Variants in LNPEP observed in about 807,000 individuals in gnomAD.
LNPEP encodes leucyl and cystinyl aminopeptidase, also known as leucyl-cystinyl aminopeptidase.
In LNPEP, 64 loss-of-function variants were observed where a neutral mutation model predicts 120.6. The observed-to-expected ratio is 0.53, with a 90% CI of 0.43 to 0.65. The LOEUF (loss-of-function observed/expected upper bound fraction) is 0.65. Among genes scored for constraint, LNPEP ranks in the 30% least tolerant of loss-of-function variants. LNPEP has a pLI of 0.00. For missense variants in LNPEP, 1,057 were observed against 1,200.0 expected, an observed-to-expected ratio of 0.88 and a Z score of 1.76; for synonymous variants, 435 against 425.4, an observed-to-expected ratio of 1.02 and a Z score of -0.28.
intron 4 of LNPEP, among the ~76,000 whole-genome samples, chr5:96,989,402 A>G (rs1377970224): frequency 2.7e-4 from 8 of 29,108 alleles, no homozygotes; most frequent in African/African-American, 8.4e-4. Context: ...TATATTATAT[A>G]TTATATATAA....
chr5:96,943,045 A>C (rs1182966882), intron 1 of LNPEP: 2 of 230,530 alleles, frequency 8.7e-6, no homozygotes, highest in African/African-American at 2.3e-5. Context: ...CTTCTTATGA[A>C]GGTTCTGAGA....
chr5:96,970,238 C>G (rs1467292770), intron 1 of LNPEP, among the ~76,000 whole-genome samples: 1 of 151,872 alleles, frequency 6.6e-6, no homozygotes, highest in Admixed American at 6.6e-5. Flanking sequence ...TATTTGTTGT[C>G]TACTTGTTCT....
At chr5:96,984,083 C>T (rs1175457670) in intron 2 of LNPEP, among the ~76,000 whole-genome samples, 5 of 152,212 alleles carry the variant, frequency 3.3e-5, no homozygotes, top group African/African-American at 4.8e-5. Flanking sequence ...TGCACATGCA[C>T]TGCTCTCTTG....
intron 1 of LNPEP, chr5:96,942,821 T>C (rs1490101721): frequency 6.6e-6 from 1 of 152,624 alleles, no homozygotes; most frequent in Admixed American, 6.5e-5. Flanking sequence ...CATGTATACA[T>C]ATGTAACAAA....
Position 96,993,913 on chromosome 5 carries a change from C to G in LNPEP, c.1349C>G (p.Ser450Cys), listed in dbSNP as rs996179795. The G allele has an allele frequency of 1.9e-6, 3 of 1,613,886 alleles. No individual in the cohort carries two copies. The South Asian group carries it at 3.3e-5, about 18-fold the overall frequency. Residue 450 changes from serine (S) to cysteine (C), a missense_variant, in exon 6 of 18, where the codon TCT becomes TGT. By Grantham distance (112) the Ser-to-Cys change is moderately radical (BLOSUM62 -1). Transcript: ENST00000231368. ...EETLLYDSNT[S>C]SMADRKLVTK... ...ACACTTCTGTATGACAGTAACACTT[C>G]TTCAATGGCGGATAGAAAGCTGGTG...
rs1444039911 is a variant in LNPEP, at chr5:97,037,113, C to G, written c.*8580C>G. 6.6e-6 allele frequency: 1 copy of G among 152,122 alleles called. No individual in the cohort carries two copies. The highest frequency in any genetic ancestry group is 2.4e-5 in the African/African-American group (1 of 41,426). 9.4% of individuals were successfully genotyped at this position (152,122 alleles called of 1,614,324 possible). A position where few individuals can be genotyped will look rare whatever the true frequency, so the allele number is the denominator to read the frequency against. ...TCAACAAACTCACATTGAGACAAAACTTAGTTTTACAGCTGTCTTGATTAA... is the reference window on the plus strand; with the variant it reads ...TCAACAAACTCACATTGAGACAAAAGTTAGTTTTACAGCTGTCTTGATTAA... On this transcript the variant is annotated 3_prime_UTR_variant, in exon 18 of 18. Transcript: ENST00000231368.
At position 97,031,018 on chromosome 5, in the gene LNPEP, T is replaced by C. The variant is rs1291988177; in HGVS notation, c.*2485T>C. 6.6e-6 allele frequency: 1 copy of C among 152,038 alleles called. No individual in the cohort carries two copies. Among genetic ancestry groups the C allele is most frequent in the Non-Finnish European group, 1.5e-5 (1 of 68,008 alleles). 9.4% of individuals were successfully genotyped at this position (152,038 alleles called of 1,614,324 possible). Reference sequence around the variant, plus strand: ...TCAAAGTTTTATCTTCTCAAAACATTGTCTTAGCCAGTGTATTTCTGAGAA... The same window carrying C: ...TCAAAGTTTTATCTTCTCAAAACATCGTCTTAGCCAGTGTATTTCTGAGAA... On this transcript the variant is annotated 3_prime_UTR_variant, in exon 18 of 18. Transcript: ENST00000231368.
intron 1 of LNPEP, among the ~76,000 whole-genome samples, chr5:96,960,883 T>C (rs894512560): frequency 1.3e-5 from 2 of 152,076 alleles, no homozygotes; most frequent in African/African-American, 4.8e-5. Context: ...AAAATATGTT[T>C]TTTTTTTCCA....
Position 96,993,131 on chromosome 5 carries a change from A to G in LNPEP, c.1248A>G (p.Lys416=). ...NYFEIQYPLK[K]LDLVAIPDFE... The stretch of plus-strand genomic sequence containing the variant: ...TTGAAATTCAGTACCCACTTAAGAA[A>G]TTGGGTAAGAATCAAATAGTGTGTC... Residue 416 remains lysine, a synonymous_variant, in exon 5 of 18, where the codon AAA becomes AAG. Transcript: ENST00000231368. The G allele has an allele frequency of 6.3e-7, 1 of 1,578,110 alleles. No homozygotes were observed. The highest frequency in any genetic ancestry group is 8.6e-7 in the Non-Finnish European group (1 of 1,159,374).
At chr5:97,004,768 C>A (rs1413555038) in intron 9 of LNPEP, among the ~76,000 whole-genome samples, 1 of 152,172 alleles carries the variant, frequency 6.6e-6, no homozygotes, top group Non-Finnish European at 1.5e-5. Context: ...TCTCTGAATT[C>A]TCTTTGAGAA....
At chr5:96,975,104 T>C (rs1271139804) in intron 1 of LNPEP, among the ~76,000 whole-genome samples, 1 of 152,070 alleles carries the variant, frequency 6.6e-6, no homozygotes, top group Admixed American at 6.6e-5. Context: ...GTTTCCCACA[T>C]TTATAGGTGA....
intron 13 of LNPEP, among the ~76,000 whole-genome samples, chr5:97,016,199 G>T (rs1032918949): frequency 1.3e-5 from 2 of 152,058 alleles, no homozygotes; most frequent in African/African-American, 2.4e-5. Flanking sequence ...TCTTCTAATG[G>T]TTAAGATTTT....
At chr5:97,014,149 A>G (rs1791006541) in intron 12 of LNPEP, among the ~76,000 whole-genome samples, 1 of 152,196 alleles carries the variant, frequency 6.6e-6, no homozygotes, top group Non-Finnish European at 1.5e-5. Flanking sequence ...ATTTTCAAAC[A>G]GCAGTTGGTT....
chr5:96,985,260 CTCTT>C (rs149177841), intron 3 of LNPEP, 42 bp downstream of exon 3: 6 of 1,544,326 alleles, frequency 3.9e-6, no homozygotes, highest in Admixed American at 1.9e-5. Context: ...TTGAATGGGT[CTCTT>C]TCTTTAAGAA....
At chr5:96,955,047 GC>G (rs1272928932) in intron 1 of LNPEP, among the ~76,000 whole-genome samples, 1 of 150,300 alleles carries the variant, frequency 6.7e-6, no homozygotes, top group Non-Finnish European at 1.5e-5. Context: ...CTCCCAAAGT[GC>G]TGGGATTACA....
intron 1 of LNPEP, among the ~76,000 whole-genome samples, chr5:96,967,406 A>G (rs1472354407): frequency 2.0e-5 from 3 of 152,002 alleles, no homozygotes; most frequent in Non-Finnish European, 4.4e-5. Context: ...CAGCCTCCCA[A>G]AGTGCTGAGA....
chr5:96,943,130 AT>A, intron 1 of LNPEP: 1 of 462,576 alleles, frequency 2.2e-6, no homozygotes, highest in Non-Finnish European at 3.4e-6. Flanking sequence ...TGTTAAGCAG[AT>A]TACTTCCATC....
chr5:97,024,056 G>A (rs1283744257), intron 14 of LNPEP, among the ~76,000 whole-genome samples: 1 of 152,166 alleles, frequency 6.6e-6, no homozygotes, highest in Non-Finnish European at 1.5e-5. Flanking sequence ...AAGAGTTGGG[G>A]TGGAGGATTT....
Position 96,936,116 on chromosome 5 carries a change from C to T in LNPEP, c.-40C>T, listed in dbSNP as rs1788854684. ...CCGCCTCAGCTCTCGGAGTAGGAAG[C>T]TCGGGCGCTCCGGCTGTAAGGAGCC... On this transcript the variant is annotated 5_prime_UTR_variant, in exon 1 of 18. Coordinates refer to ENST00000231368, the MANE Select transcript of LNPEP (RefSeq NM_005575.3). 1 of 1,515,020 alleles carries T rather than the reference C, an allele frequency of 6.6e-7. No individual in the cohort carries two copies. Among genetic ancestry groups the T allele is most frequent in the African/African-American group, 1.4e-5 (1 of 69,456 alleles). 93.8% of individuals were successfully genotyped at this position (1,515,020 alleles called of 1,614,324 possible). A position where few individuals can be genotyped will look rare whatever the true frequency, so the allele number is the denominator to read the frequency against.
Sources: allele counts gnomAD v4.1 joint callset (sites outside exome capture counted in the v4.1 genomes callset), GRCh38; gene constraint gnomAD v4.1.1; transcripts MANE v1.5; gene names NCBI Gene and HGNC (gene_info 2026-07-23, HGNC 2026-07-21).